ROR1: variants seen among roughly 807,000 people sequenced by gnomAD.
ROR1 encodes inactive tyrosine-protein kinase transmembrane receptor ROR1.
ROR1 carries 19 observed loss-of-function variants against 78.8 expected under a neutral mutation model. The ratio of observed to expected loss-of-function variants is 0.24; its 90% CI spans 0.17 to 0.35. The LOEUF (loss-of-function observed/expected upper bound fraction) is 0.35, where lower values mean the gene tolerates loss of function less well. ROR1 is among the 10% of genes least tolerant of loss of function. ROR1 has a pLI of 1.00. For missense variants in ROR1, 917 were observed against 1,177.8 expected, an observed-to-expected ratio of 0.78 and a Z score of 3.24; for synonymous variants, 386 against 433.6, an observed-to-expected ratio of 0.89 and a Z score of 1.36.
Position 64,057,793 on chromosome 1 carries a change from T to C in ROR1, c.482+7077T>C, listed in dbSNP as rs149609795. 4.4e-3 allele frequency among the ~76,000 whole-genome samples: 667 copies of C among 152,352 alleles called. 6 individuals are homozygous for C. The highest frequency in any genetic ancestry group is 0.015 in the African/African-American group (639 of 41,590). On this transcript the variant is annotated intron_variant, in intron 4 of 8. Transcript: ENST00000371079. ...TCACCTCTTTCTATATTGTTCTTTT[T>C]CAAGACTTTTGTTGTTGTTGTTATT...
intron 2 of ROR1, among the ~76,000 whole-genome samples, chr1:64,023,241 G>C (rs1400376705): frequency 6.6e-6 from 1 of 152,180 alleles, no homozygotes; most frequent in Non-Finnish European, 1.5e-5. Context: ...GGAGCTCACT[G>C]TAGCCCATCC....
At chr1:64,033,817 A>C (rs762753922) in intron 2 of ROR1, among the ~76,000 whole-genome samples, 5 of 152,232 alleles carry the variant, frequency 3.3e-5, no homozygotes, top group Admixed American at 6.5e-5. Context: ...TGCTTTATAC[A>C]CTTTATCTCA....
intron 4 of ROR1, among the ~76,000 whole-genome samples, chr1:64,081,633 TG>T (rs781058464): frequency 1.4e-4 from 22 of 151,988 alleles, no homozygotes; most frequent in Middle Eastern, 3.4e-3. Context: ...TAGCCAGGTT[TG>T]GTGGCCCATG....
Position 63,785,499 on chromosome 1 carries a change from T to A in ROR1, c.91+10991T>A, listed in dbSNP as rs1443195318. Among the ~76,000 whole-genome samples, 41 of 68,480 alleles carry A rather than the reference T, an allele frequency of 6.0e-4. No individual in the cohort carries two copies. The African/African-American group carries it at 9.9e-3, about 16-fold the overall frequency. The allele number at this position is 68,480 out of a possible 152,430, so 44.9% of individuals were successfully genotyped here. ...AGCAGCAACTATATATATATATATT[T>A]TATTTATTTATTTATTTATTTATTT... On this transcript the variant is annotated intron_variant, in intron 1 of 8. Transcript: ENST00000371079.
chr1:64,178,942 G>A lies in ROR1; in HGVS notation c.*87G>A. 3.8e-6 allele frequency: 4 copies of A among 1,049,796 alleles called. No individual in the cohort carries two copies. The highest frequency in any genetic ancestry group is 5.4e-6 in the Non-Finnish European group (4 of 737,170). 65.0% of individuals were successfully genotyped at this position (1,049,796 alleles called of 1,614,324 possible). On this transcript the variant is annotated 3_prime_UTR_variant, in exon 9 of 9. Coordinates refer to ENST00000371079, the MANE Select transcript of ROR1 (RefSeq NM_005012.4). The surrounding 1 kb of genome is among the most constrained non-coding windows in gnomAD (Gnocchi z 4.3). ...TATTCAAATGTTTTTATTAAAGTAA[G>A]GTTCTCATTTAGCAGACATCGCAAC...
At chr1:63,800,109 A>C (rs942946731) in intron 1 of ROR1, among the ~76,000 whole-genome samples, 3 of 152,176 alleles carry the variant, frequency 2.0e-5, no homozygotes, top group African/African-American at 7.2e-5. Flanking sequence ...GGGATGCTTC[A>C]TAGACAGATG....
intron 1 of ROR1, among the ~76,000 whole-genome samples, chr1:63,959,954 T>A (rs1050327307): frequency 4.6e-5 from 7 of 152,236 alleles, no homozygotes; most frequent in Non-Finnish European, 1.0e-4. Context: ...ATGACCCATT[T>A]TGAGCATCAC....
intron 4 of ROR1, chr1:64,066,809 A>G (rs1400415973): frequency 6.6e-6 from 1 of 152,150 alleles, no homozygotes; most frequent in Non-Finnish European, 1.5e-5. Flanking sequence ...ATTTAACCCA[A>G]CATATCCAAA....
chr1:63,934,850 T>A (rs1028543589), intron 1 of ROR1, among the ~76,000 whole-genome samples: 3 of 152,054 alleles, frequency 2.0e-5, no homozygotes, highest in African/African-American at 2.4e-5. Flanking sequence ...GCCATAGATT[T>A]TCTGAGGATT....
rs34109134 is a variant in ROR1 at position 64,177,978 on chromosome 1, A to G, written c.1937A>G (p.Tyr646Cys). 21 of 1,614,250 alleles carry G rather than the reference A, an allele frequency of 1.3e-5. No individual in the cohort carries two copies. In the East Asian group the frequency reaches 4.2e-4, roughly 33 times the overall value. The part of the protein sequence containing the change: ...LSREIYSADY[Y>C]RVQSKSLLPI... ...AGAGAAATTTACTCCGCTGATTACT[A>G]CAGGGTCCAGAGTAAGTCCTTGCTG... The change falls in exon 9 of 9, where the codon TAC becomes TGC. Residue 646 changes from tyrosine (Y) to cysteine (C), a missense_variant. Around this residue, in one of 3 missense-constraint regions of ROR1, gnomAD observed 835 missense variants for 1,069.8 expected, o/e 0.78. Transcript: ENST00000371079.
At chr1:63,867,333 T>A (rs565459845) in intron 1 of ROR1, among the ~76,000 whole-genome samples, 2 of 152,334 alleles carry the variant, frequency 1.3e-5, no homozygotes, top group African/African-American at 4.8e-5. Flanking sequence ...CTTCCTCCTA[T>A]GTCTTTGACC....
In ROR1 at chr1:63,950,443, G is replaced by A. The variant is rs114559479; in HGVS notation, c.92-58862G>A. Among the ~76,000 whole-genome samples, 962 of 152,316 alleles carry A rather than the reference G, an allele frequency of 6.3e-3. 6 individuals carry two copies. The highest frequency in any genetic ancestry group is 0.011 in the Admixed American group (164 of 15,296). ...CTGGTGGGAGTTTAAGTATGGTAATGCATTATAATTCACATATAATGACCA... is the reference window on the plus strand; with the variant it reads ...CTGGTGGGAGTTTAAGTATGGTAATACATTATAATTCACATATAATGACCA... On this transcript the variant is annotated intron_variant, in intron 1 of 8. Transcript: ENST00000371079.
chr1:64,033,290 A>C (rs534912189), intron 2 of ROR1, among the ~76,000 whole-genome samples: 1 of 152,202 alleles, frequency 6.6e-6, no homozygotes, highest in Admixed American at 6.5e-5. Context: ...GTTGTTTTCA[A>C]AATAATTGCA....
intron 1 of ROR1, among the ~76,000 whole-genome samples, chr1:63,957,739 TTTTTTG>T (rs1461584484): frequency 1.3e-5 from 2 of 148,274 alleles, no homozygotes. Context: ...TTTTTGTTTG[TTTTTTG>T]TTTTTTTTTT....
chr1:64,145,671 TAAGA>T (rs1649454109), intron 7 of ROR1, among the ~76,000 whole-genome samples: 1 of 152,206 alleles, frequency 6.6e-6, no homozygotes, highest in Non-Finnish European at 1.5e-5. Flanking sequence ...TCAACAGTGA[TAAGA>T]AAGGAATAAA....
chr1:63,959,816 T>G (rs1011607163), intron 1 of ROR1, among the ~76,000 whole-genome samples: 1 of 152,122 alleles, frequency 6.6e-6, no homozygotes, highest in Non-Finnish European at 1.5e-5. Context: ...CCAAATCCCC[T>G]GCCTTGGATT....
intron 1 of ROR1, among the ~76,000 whole-genome samples, chr1:63,941,564 C>T (rs1360543143): frequency 1.3e-5 from 2 of 152,220 alleles, no homozygotes; most frequent in Non-Finnish European, 2.9e-5. Flanking sequence ...GCCTTTCTAA[C>T]CCTCAGTTTC....
At chr1:63,785,805 C>T (rs549764001) in intron 1 of ROR1, among the ~76,000 whole-genome samples, 2 of 152,292 alleles carry the variant, frequency 1.3e-5, no homozygotes, top group South Asian at 2.1e-4. Flanking sequence ...GGATTACAGG[C>T]GTAAGCCACC....
intron 4 of ROR1, among the ~76,000 whole-genome samples, chr1:64,132,486 G>A (rs190654077): frequency 1.7e-3 from 252 of 152,188 alleles, no homozygotes; most frequent in African/African-American, 5.6e-3. Context: ...GAGACCCGGC[G>A]TGGTGGCTCA....
Sources: gnomAD v4.1 joint callset for allele counts (sites outside exome capture counted in the v4.1 genomes callset) on GRCh38, gnomAD v4.1.1 for gene constraint, gnomAD v4.1.1 regional missense constraint, Gnocchi (gnomAD v3.1) non-coding constraint, MANE v1.5 for transcripts, NCBI Gene and HGNC (gene_info 2026-07-23, HGNC 2026-07-21) for gene names.